Variants in EXOC6 observed in about 807,000 individuals in gnomAD.
EXOC6 encodes the protein SEC15-like 1.
A neutral mutation model predicts 112.5 loss-of-function variants in EXOC6; 60 were observed. The observed-to-expected ratio is 0.53, with a 90% confidence interval of 0.43 to 0.66. The LOEUF is 0.66. Among genes scored for constraint, EXOC6 ranks in the 30% least tolerant of loss-of-function variants. EXOC6 has a pLI of 0.00. For missense variants in EXOC6, 855 were observed against 957.1 expected (o/e 0.89, Z 1.41); for synonymous variants, 295 against 308.0 (o/e 0.96, Z 0.44).
intron 17 of EXOC6, among the ~76,000 whole-genome samples, chr10:92,971,310 CTG>C (rs879480187): frequency 0.025 from 3,862 of 152,054 alleles, 73 homozygotes; most frequent in Non-Finnish European, 0.041. Context: ...TCCCAAAGTG[CTG>C]GGATTACAGG....
At chr10:92,874,843 G>C (rs193190403) in intron 1 of EXOC6, among the ~76,000 whole-genome samples, 2 of 152,198 alleles carry the variant, frequency 1.3e-5, no homozygotes, top group African/African-American at 4.8e-5. Flanking sequence ...GCTTCTCTCT[G>C]TACTTGGTGG....
At chr10:92,939,628 T>G (rs1171199224) in intron 12 of EXOC6, among the ~76,000 whole-genome samples, 3 of 152,064 alleles carry the variant, frequency 2.0e-5, no homozygotes, top group Non-Finnish European at 4.4e-5. Flanking sequence ...TAGAGAGGCC[T>G]AGCTAGAGAT....
At position 93,059,018 on chromosome 10, in the gene EXOC6, A is replaced by C. The variant is rs964426705; in HGVS notation, c.*663A>C. The C allele has an allele frequency of 6.6e-5, 10 of 152,264 alleles. No individual in the cohort carries two copies. The highest frequency in any genetic ancestry group is 5.2e-4 in the Admixed American group (8 of 15,298). The allele number at this position is 152,264 out of a possible 1,614,324, so 9.4% of individuals were successfully genotyped here. Reference sequence around the variant, plus strand: ...GTTGTTTCTGTTCATCAGGGTTAATATTTCTAACTATATTGCTTGTAGGTG... The same window carrying C: ...GTTGTTTCTGTTCATCAGGGTTAATCTTTCTAACTATATTGCTTGTAGGTG... On this transcript the variant is annotated 3_prime_UTR_variant, in exon 22 of 22. Transcript: ENST00000260762.
chr10:92,975,132 C>A (rs1317137369), intron 18 of EXOC6, among the ~76,000 whole-genome samples: 2 of 151,846 alleles, frequency 1.3e-5, no homozygotes, highest in African/African-American at 4.8e-5. Context: ...AGCGCCTCTT[C>A]CCGGCCGCCA....
At chr10:92,970,817 A>G (rs1400139981) in intron 17 of EXOC6, among the ~76,000 whole-genome samples, 1 of 152,210 alleles carries the variant, frequency 6.6e-6, no homozygotes, top group Non-Finnish European at 1.5e-5. Flanking sequence ...GGTTTTCCCC[A>G]GCCCACCATG....
At chr10:92,952,148 T>G (rs1238151812) in intron 14 of EXOC6, 125 bp from the exon 15 acceptor site, 2 of 612,330 alleles carry the variant, frequency 3.3e-6, no homozygotes, top group Non-Finnish European at 5.8e-6. Context: ...TGTAGAAATA[T>G]AACAGAGTTT....
chr10:92,914,054 G>A (rs956632400), intron 6 of EXOC6, among the ~76,000 whole-genome samples: 8 of 152,190 alleles, frequency 5.3e-5, no homozygotes, highest in Non-Finnish European at 7.3e-5. Flanking sequence ...CCCCCAGGCC[G>A]TGGACTGGTA....
Position 93,040,683 on chromosome 10 carries a change from A to G in EXOC6, c.2170-16241A>G, listed in dbSNP as rs1471570888. On this transcript the variant is annotated intron_variant, in intron 20 of 21. Coordinates refer to ENST00000260762, the MANE Select transcript of EXOC6 (RefSeq NM_019053.6). ...CTCATTCATTTCTCAATCCATTCCT[A>G]TCTGCTTTGCCACACTGCTGAAATA... Among the ~76,000 whole-genome samples the G allele has an allele frequency of 2.6e-5, 4 of 152,134 alleles. No individual in the cohort carries two copies. In the East Asian group the frequency reaches 5.8e-4, roughly 22 times the overall value.
At chr10:92,926,902 C>A (rs1851756738) in intron 8 of EXOC6, among the ~76,000 whole-genome samples, 1 of 152,004 alleles carries the variant, frequency 6.6e-6, no homozygotes, top group Non-Finnish European at 1.5e-5. Context: ...TTTTAAATTC[C>A]ATTTTATCTT....
chr10:92,910,955 A>G (rs1017321903), intron 6 of EXOC6, among the ~76,000 whole-genome samples: 3 of 152,242 alleles, frequency 2.0e-5, no homozygotes, highest in African/African-American at 7.2e-5. Context: ...TGGGGTATAT[A>G]TGGAGTGAGT....
chr10:92,864,870 T>C (rs78603089), intron 1 of EXOC6, among the ~76,000 whole-genome samples: 1 of 152,260 alleles, frequency 6.6e-6, no homozygotes, highest in African/African-American at 2.4e-5. Flanking sequence ...CGGCATGTTA[T>C]GGTACAACTT....
intron 20 of EXOC6, 97 bp downstream of exon 20, chr10:93,014,364 C>A: frequency 1.1e-6 from 1 of 901,988 alleles, no homozygotes; most frequent in Non-Finnish European, 1.8e-6. Context: ...GCCTGTTTGC[C>A]TTGAAACAAC....
chr10:92,975,407 C>G (rs940233116), intron 18 of EXOC6, among the ~76,000 whole-genome samples: 7 of 149,714 alleles, frequency 4.7e-5, no homozygotes, highest in African/African-American at 1.5e-4. Context: ...CCCCTCCGCC[C>G]GGCAGCCACC....
At chr10:92,902,774 C>T (rs1175814681) in intron 5 of EXOC6, among the ~76,000 whole-genome samples, 2 of 152,104 alleles carry the variant, frequency 1.3e-5, no homozygotes, top group African/African-American at 4.8e-5. Flanking sequence ...AATTTCTCCT[C>T]CCTTCTCTAG....
In EXOC6 at chr10:92,940,807, A is replaced by C. The variant is rs778937545; in HGVS notation, c.1293A>C (p.Lys431Asn). The change falls in exon 13 of 22, where the codon AAA becomes AAC. Residue 431 changes from lysine to asparagine, a missense_variant. Transcript: ENST00000260762. ...RDQYNETLLK[K>N]WAGVFRDIFE... Reference sequence around the variant, plus strand: ...AATACAATGAAACACTGCTTAAGAAATGGGCTGGAGTTTTCAGGTTAGTCT... The same window carrying C: ...AATACAATGAAACACTGCTTAAGAACTGGGCTGGAGTTTTCAGGTTAGTCT... 1.2e-6 allele frequency: 2 copies of C among 1,610,358 alleles called. No individual in the cohort carries two copies.
chr10:92,976,087 C>G (rs975357043), intron 18 of EXOC6, among the ~76,000 whole-genome samples: 1 of 150,136 alleles, frequency 6.7e-6, no homozygotes, highest in African/African-American at 2.4e-5. Flanking sequence ...CCGCCCCGCC[C>G]GGGAGGTGAG....
chr10:92,841,221 ATG>A (rs906648838), intron 1 of EXOC6, among the ~76,000 whole-genome samples: 4 of 152,004 alleles, frequency 2.6e-5, no homozygotes, highest in African/African-American at 9.7e-5. Flanking sequence ...TTTCCCATCT[ATG>A]TCTCTCCTCA....
intron 1 of EXOC6, among the ~76,000 whole-genome samples, chr10:92,840,113 GAAAGA>G (rs1042014606): frequency 5.2e-5 from 7 of 135,726 alleles, no homozygotes; most frequent in African/African-American, 1.7e-4. Context: ...TTTAGGAAAG[GAAAGA>G]AAACATTAAA....
At chr10:92,940,559 G>A (rs142429688) in intron 12 of EXOC6, among the ~76,000 whole-genome samples, 168 bp from the exon 13 acceptor site, 5 of 152,116 alleles carry the variant, frequency 3.3e-5, no homozygotes, top group Admixed American at 1.3e-4. Flanking sequence ...TTTTTTTACC[G>A]AATGCAATGT....
Sources: allele counts gnomAD v4.1 joint callset (sites outside exome capture counted in the v4.1 genomes callset), GRCh38; gene constraint gnomAD v4.1.1; transcripts MANE v1.5; gene names NCBI Gene and HGNC (gene_info 2026-07-23, HGNC 2026-07-21).